The following LIN54 variants were observed in gnomAD, a reference collection of about 807,000 sequenced individuals.
LIN54 encodes lin-54 DREAM MuvB core complex component.
A neutral mutation model predicts 78.7 loss-of-function variants in LIN54; 9 were observed. The ratio of observed to expected loss-of-function variants is 0.11; its 90% confidence interval spans 0.07 to 0.20. The LOEUF is 0.20. LIN54 is among the 10% of genes least tolerant of loss of function. The pLI is 1.00. For missense variants in LIN54, 573 were observed against 889.9 expected, an observed-to-expected ratio of 0.64 and a Z score of 4.53; for synonymous variants, 269 against 318.4, an observed-to-expected ratio of 0.84 and a Z score of 1.65.
chr4:82,946,251 T>C lies in LIN54; in HGVS notation c.1168+7A>G, dbSNP rs1288918940. 1 of 1,606,374 alleles carries C rather than the reference T, an allele frequency of 6.2e-7. No homozygotes were observed. The highest frequency in any genetic ancestry group is 2.2e-5 in the East Asian group (1 of 44,862). On this transcript the variant is annotated splice_region_variant and intron_variant, in intron 5 of 12. Coordinates refer to ENST00000340417, the MANE Select transcript of LIN54 (RefSeq NM_194282.4). ...TGAATTACTGTTTTTAAAAAATGGT[T>C]ACTAACCTTGCTGAAGAGGCTGAGT...
chr4:82,964,081 C>T lies in LIN54; in HGVS notation c.951+6246G>A, dbSNP rs1725017609. On this transcript the variant is annotated intron_variant, in intron 4 of 12. Coordinates refer to ENST00000340417, the MANE Select transcript of LIN54 (RefSeq NM_194282.4). ...CTTTTTTTTTTTTGAGACGGAGTCTCACTCTGTTGCCCAGGCTGAAGTGCA... is the reference window on the plus strand; with the variant it reads ...CTTTTTTTTTTTTGAGACGGAGTCTTACTCTGTTGCCCAGGCTGAAGTGCA... Among the ~76,000 whole-genome samples the T allele has an allele frequency of 5.3e-5, 8 of 150,312 alleles. No homozygotes were observed. In the East Asian group the frequency reaches 1.6e-3, roughly 29 times the overall value.
intron 4 of LIN54, among the ~76,000 whole-genome samples, chr4:82,958,158 A>G (rs1724493223): frequency 6.6e-6 from 1 of 152,204 alleles, no homozygotes; most frequent in Non-Finnish European, 1.5e-5. Flanking sequence ...TCTTTGTAAC[A>G]AGAAGCCTTC....
chr4:82,936,218 G>A (rs1722381131), intron 10 of LIN54, 61 bp downstream of exon 10: 8 of 1,545,766 alleles, frequency 5.2e-6, no homozygotes, highest in Non-Finnish European at 6.2e-6. Context: ...AGACAATTGA[G>A]TTTTATAAAA....
intron 3 of LIN54, among the ~76,000 whole-genome samples, chr4:82,977,010 A>C (rs75109390): frequency 0.013 from 1,941 of 152,284 alleles, 20 homozygotes; most frequent in Middle Eastern, 0.027. Flanking sequence ...GCAACACATA[A>C]ACAACCCAAA....
At chr4:82,979,381 T>C (rs929805377) in intron 2 of LIN54, among the ~76,000 whole-genome samples, 8 of 152,122 alleles carry the variant, frequency 5.3e-5, no homozygotes, top group African/African-American at 1.9e-4. Flanking sequence ...AAAGAAAGTA[T>C]AGTGCGAATG....
At chr4:82,958,645 CCACT>C (rs1279777029) in intron 4 of LIN54, among the ~76,000 whole-genome samples, 4 of 151,874 alleles carry the variant, frequency 2.6e-5, no homozygotes, top group Non-Finnish European at 5.9e-5. Context: ...GATTTGATGC[CCACT>C]ATTATTTACT....
rs1280946619 is a variant in LIN54, at chr4:83,010,697, C to G, written c.-246G>C. ...GGCGACGTCGCCGTCGCCGCCGCCT[C>G]TGGTATGTCAGGGGCCGGGATTGTA... On this transcript the variant is annotated 5_prime_UTR_variant, in exon 1 of 13. Coordinates refer to ENST00000340417, the MANE Select transcript of LIN54 (RefSeq NM_194282.4). 4.9e-6 allele frequency: 6 copies of G among 1,231,884 alleles called. No homozygotes were observed. The South Asian group carries it at 1.2e-4, about 25-fold the overall frequency. 76.3% of individuals were successfully genotyped at this position (1,231,884 alleles called of 1,614,324 possible).
At chr4:82,943,358 C>T (rs866270307) in intron 5 of LIN54, among the ~76,000 whole-genome samples, 5 of 152,100 alleles carry the variant, frequency 3.3e-5, no homozygotes, top group Admixed American at 6.6e-5. Flanking sequence ...ACTGTACCAA[C>T]GATTAACATG....
chr4:83,012,658 C>T (rs1729926099), upstream of LIN54: 1 of 152,112 alleles, frequency 6.6e-6, no homozygotes, highest in Admixed American at 6.5e-5. Context: ...CCGCTCCCCG[C>T]CAAGGCCCAC....
chr4:82,934,854 G>A (rs553341724), intron 11 of LIN54, among the ~76,000 whole-genome samples: 6 of 152,212 alleles, frequency 3.9e-5, no homozygotes, highest in Middle Eastern at 6.8e-3. Context: ...AACCAATTAT[G>A]GTAATCTAGG....
intron 8 of LIN54, among the ~76,000 whole-genome samples, chr4:82,937,499 C>T (rs1485039357): frequency 6.6e-6 from 1 of 152,098 alleles, no homozygotes; most frequent in Non-Finnish European, 1.5e-5. Context: ...AAGTTTGCTA[C>T]GTTGTTCTAT....
At chr4:82,985,207 T>A (rs1727020776) in intron 1 of LIN54, among the ~76,000 whole-genome samples, 1 of 152,238 alleles carries the variant, frequency 6.6e-6, no homozygotes, top group Admixed American at 6.5e-5. Flanking sequence ...TAATCTTTGA[T>A]GTATCTGATC....
chr4:82,988,753 A>G (rs1727400129), intron 1 of LIN54, among the ~76,000 whole-genome samples: 1 of 152,160 alleles, frequency 6.6e-6, no homozygotes, highest in African/African-American at 2.4e-5. Flanking sequence ...CAGCCATTCT[A>G]GCCTATGTGA....
At chr4:83,001,876 A>AAAG (rs1728826830) in intron 1 of LIN54, among the ~76,000 whole-genome samples, 1 of 916 alleles carries the variant, frequency 1.1e-3, no homozygotes, top group Non-Finnish European at 3.6e-3. Flanking sequence ...GGAAGGAAGG[A>AAAG]AGGAAGGAAG....
intron 3 of LIN54, 83 bp downstream of exon 3, chr4:82,978,800 A>AAT: frequency 1.2e-6 from 1 of 865,006 alleles, no homozygotes; most frequent in Non-Finnish European, 1.7e-6. Flanking sequence ...GTTACACTAA[A>AAT]ACATTTTAAG....
intron 5 of LIN54, chr4:82,944,809 C>G (rs1723225384): frequency 6.6e-6 from 1 of 152,038 alleles, no homozygotes; most frequent in Non-Finnish European, 1.5e-5. Flanking sequence ...TAACTGTGAA[C>G]AATCAATCAA....
chr4:82,947,394 TTGTGTG>T (rs57298736), intron 4 of LIN54, among the ~76,000 whole-genome samples: 10,564 of 124,392 alleles, frequency 0.085, 979 homozygotes, highest in African/African-American at 0.24. Flanking sequence ...CCCAGTTAAT[TTGTGTG>T]TGTGTGTGTG....
At chr4:82,963,902 T>C (rs1336061327) in intron 4 of LIN54, among the ~76,000 whole-genome samples, 1 of 152,214 alleles carries the variant, frequency 6.6e-6, no homozygotes, top group African/African-American at 2.4e-5. Flanking sequence ...GACCATGTTA[T>C]ATAATCACTT....
intron 5 of LIN54, among the ~76,000 whole-genome samples, chr4:82,940,568 T>C (rs1396502697): frequency 6.6e-6 from 1 of 152,188 alleles, no homozygotes; most frequent in Non-Finnish European, 1.5e-5. Flanking sequence ...AATTTTTGTA[T>C]TTTTAGTAGA....
Sources: allele counts gnomAD v4.1 joint callset (sites outside exome capture counted in the v4.1 genomes callset), GRCh38; gene constraint gnomAD v4.1.1; transcripts MANE v1.5; gene names NCBI Gene and HGNC (gene_info 2026-07-23, HGNC 2026-07-21).